The following SUSD6 variants were observed in gnomAD, a reference collection of about 807,000 sequenced individuals.
SUSD6 encodes sushi domain-containing protein 6.
A neutral mutation model predicts 28.4 loss-of-function variants in SUSD6; 16 were observed. The ratio of observed to expected loss-of-function variants is 0.56; its 90% confidence interval spans 0.38 to 0.86. The LOEUF (loss-of-function observed/expected upper bound fraction) is 0.86, where lower values mean the gene tolerates loss of function less well. SUSD6 is among the 40% of genes least tolerant of loss of function. SUSD6 has a pLI of 0.00. For synonymous variants in SUSD6, 147 were observed against 159.6 expected (o/e 0.92, Z 0.59); for missense variants, 341 against 384.2 (o/e 0.89, Z 0.94).
In SUSD6 at chr14:69,616,341, A is replaced by G. The variant is rs186340962; in HGVS notation, c.-81+4513A>G. ...CTACTGCCAGCAGTGACTTGCCTTC[A>G]CCCACAGAAATTTAAGATTAGAGTG... On this transcript the variant is annotated intron_variant, in intron 1 of 5. Transcript: ENST00000342745. Among the ~76,000 whole-genome samples, 295 of 152,306 alleles carry G rather than the reference A, an allele frequency of 1.9e-3. 1 individual carries two copies. Among genetic ancestry groups the G allele is most frequent in the Admixed American group, 8.4e-3 (129 of 15,296 alleles).
intron 1 of SUSD6, among the ~76,000 whole-genome samples, chr14:69,636,871 GGT>G (rs1291753083): frequency 6.6e-6 from 1 of 152,202 alleles, no homozygotes; most frequent in African/African-American, 2.4e-5. Flanking sequence ...AACTTTGTTT[GGT>G]GAGAGTTAGG....
intron 1 of SUSD6, among the ~76,000 whole-genome samples, chr14:69,618,266 G>C (rs1050959586): frequency 6.6e-6 from 1 of 152,162 alleles, no homozygotes; most frequent in African/African-American, 2.4e-5. Flanking sequence ...TGTGTATTAC[G>C]TGTAAATGAA....
At chr14:69,630,850 A>G (rs1371125442) in intron 1 of SUSD6, among the ~76,000 whole-genome samples, 1 of 152,132 alleles carries the variant, frequency 6.6e-6, no homozygotes, top group African/African-American at 2.4e-5. Context: ...AGTTGTGGAG[A>G]ATTGGGGTCA....
intron 1 of SUSD6, among the ~76,000 whole-genome samples, chr14:69,630,329 A>G (rs931682362): frequency 1.3e-5 from 2 of 152,328 alleles, no homozygotes; most frequent in Non-Finnish European, 1.5e-5. Flanking sequence ...CTCTCCCCCA[A>G]GTGAAGGCAG....
intron 2 of SUSD6, among the ~76,000 whole-genome samples, chr14:69,691,264 A>G (rs900101268): frequency 6.6e-6 from 1 of 152,142 alleles, no homozygotes; most frequent in Non-Finnish European, 1.5e-5. Context: ...AATTGCTTCA[A>G]CCTGGGAGAA....
intron 2 of SUSD6, among the ~76,000 whole-genome samples, chr14:69,688,842 C>T (rs1886112797): frequency 6.6e-6 from 1 of 152,198 alleles, no homozygotes; most frequent in Admixed American, 6.5e-5. Context: ...CATGGCTTTG[C>T]ATTATAGGCC....
chr14:69,651,978 T>C (rs1885510882), intron 1 of SUSD6, among the ~76,000 whole-genome samples: 1 of 152,230 alleles, frequency 6.6e-6, no homozygotes, highest in South Asian at 2.1e-4. Flanking sequence ...CTGGAACTGT[T>C]CTTTGTCCTT....
chr14:69,641,878 T>G (rs1195925257), intron 1 of SUSD6, among the ~76,000 whole-genome samples: 1 of 152,188 alleles, frequency 6.6e-6, no homozygotes, highest in Non-Finnish European at 1.5e-5. Context: ...GTGCTGGGGT[T>G]ACAGGCACAA....
At chr14:69,671,423 C>G (rs539074206) in intron 2 of SUSD6, among the ~76,000 whole-genome samples, 4 of 152,168 alleles carry the variant, frequency 2.6e-5, no homozygotes, top group Non-Finnish European at 4.4e-5. Context: ...GGACAGGCCA[C>G]AGGAGTGCAT....
Position 69,660,755 on chromosome 14 carries a change from T to G in SUSD6, c.121+2042T>G, listed in dbSNP as rs186097726. 2.0e-5 allele frequency among the ~76,000 whole-genome samples: 3 copies of G among 152,392 alleles called. No homozygotes were observed. The East Asian group carries it at 5.8e-4, about 29-fold the overall frequency. On this transcript the variant is annotated intron_variant, in intron 2 of 5. Transcript: ENST00000342745. Reference sequence around the variant, plus strand: ...AATCAGAAAGATATTTCATGACATGTAAAAATGTATATGAAACTTAAATTT... The same window carrying G: ...AATCAGAAAGATATTTCATGACATGGAAAAATGTATATGAAACTTAAATTT...
At chr14:69,688,785 C>G (rs1216532214) in intron 2 of SUSD6, among the ~76,000 whole-genome samples, 1 of 152,182 alleles carries the variant, frequency 6.6e-6, no homozygotes, top group Non-Finnish European at 1.5e-5. Flanking sequence ...GCAGCTTCTT[C>G]AGTGGGATTG....
chr14:69,615,030 G>T (rs147116629), intron 1 of SUSD6, among the ~76,000 whole-genome samples: 344 of 152,326 alleles, frequency 2.3e-3, no homozygotes, highest in Middle Eastern at 3.4e-3. Context: ...TGGAAGTCTT[G>T]TTAGAGGGTG....
At chr14:69,707,692 G>A (rs1300720201) in intron 4 of SUSD6, among the ~76,000 whole-genome samples, 1 of 152,030 alleles carries the variant, frequency 6.6e-6, no homozygotes. Flanking sequence ...GGCTGCAGTA[G>A]GTTGTGATCA....
intron 2 of SUSD6, among the ~76,000 whole-genome samples, chr14:69,687,616 G>A (rs966142022): frequency 6.6e-5 from 10 of 152,190 alleles, no homozygotes; most frequent in African/African-American, 2.2e-4. Flanking sequence ...TTATGTATGT[G>A]CTTTAAACGA....
intron 2 of SUSD6, among the ~76,000 whole-genome samples, chr14:69,659,660 G>A (rs1226462178): frequency 6.6e-6 from 1 of 152,192 alleles, no homozygotes; most frequent in Non-Finnish European, 1.5e-5. Context: ...TGGGACTACA[G>A]GCTCATGCCA....
chr14:69,703,099 G>A (rs531763360), intron 2 of SUSD6, among the ~76,000 whole-genome samples: 20 of 152,224 alleles, frequency 1.3e-4, no homozygotes, highest in African/African-American at 4.8e-4. Flanking sequence ...ATTATGTCTA[G>A]ATCTCTATAG....
intron 4 of SUSD6, among the ~76,000 whole-genome samples, chr14:69,708,350 G>T (rs1886413330): frequency 6.6e-6 from 1 of 152,154 alleles, no homozygotes; most frequent in African/African-American, 2.4e-5. Context: ...AGGGTAAAAG[G>T]GCCAGGTGCC....
chr14:69,622,626 C>T (rs1237060097), intron 1 of SUSD6, among the ~76,000 whole-genome samples: 1 of 152,138 alleles, frequency 6.6e-6, no homozygotes, highest in African/African-American at 2.4e-5. Flanking sequence ...TGGAGTCTCA[C>T]TCTGTTGCGC....
intron 1 of SUSD6, among the ~76,000 whole-genome samples, chr14:69,654,854 G>T (rs1454939913): frequency 7.3e-6 from 1 of 137,698 alleles, no homozygotes; most frequent in Non-Finnish European, 1.5e-5. Context: ...GAGTGCAGTG[G>T]CACAATATCG....
Sources: gnomAD v4.1 joint callset for allele counts (sites outside exome capture counted in the v4.1 genomes callset) on GRCh38, gnomAD v4.1.1 for gene constraint, MANE v1.5 for transcripts, NCBI Gene and HGNC (gene_info 2026-07-23, HGNC 2026-07-21) for gene names.